ALOX5: variants seen among roughly 807,000 people sequenced by gnomAD.
ALOX5 encodes the protein arachidonate 5-lipoxygenase, also known as polyunsaturated fatty acid 5-lipoxygenase.
In ALOX5, 64 loss-of-function variants were observed where a neutral mutation model predicts 87.9. The ratio of observed to expected loss-of-function variants is 0.73; its 90% CI spans 0.60 to 0.90. ALOX5 has a LOEUF of 0.90. Ranked by LOEUF, ALOX5 falls within the 40% of genes least tolerant of loss-of-function variation. The probability of loss-of-function intolerance (pLI) is 0.00; values close to 1 mark genes in which losing one functional copy is unlikely to be tolerated. For missense variants in ALOX5, 822 were observed against 907.5 expected (o/e 0.91, Z 1.21); for synonymous variants, 388 against 355.1 (o/e 1.09, Z -1.04).
rs554154845 is a variant in ALOX5, at chr10:45,443,065, G to C, written c.1300G>C (p.Val434Leu). 6.2e-7 allele frequency: 1 copy of C among 1,613,426 alleles called. No homozygotes were observed. Among genetic ancestry groups the C allele is most frequent in the African/African-American group, 1.3e-5 (1 of 75,044 alleles). The part of the protein sequence containing the change: ...KANATGGGGH[V>L]QMVQRAMKDL... ...CAACGCCACAGGGGGCGGTGGGCAC[G>C]TGCAGATGGTGCAGAGGGCCATGAA... Residue 434 changes from valine to leucine, a missense_variant, in exon 10 of 14, where the codon GTG becomes CTG. Coordinates refer to ENST00000374391, the MANE Select transcript of ALOX5 (RefSeq NM_000698.5).
chr10:45,443,071 A>T lies in ALOX5; in HGVS notation c.1306A>T (p.Met436Leu). The T allele has an allele frequency of 6.2e-7, 1 of 1,613,500 alleles. No individual in the cohort carries two copies. Among genetic ancestry groups the T allele is most frequent in the Non-Finnish European group, 8.5e-7 (1 of 1,179,896 alleles). ...NATGGGGHVQ[M>L]VQRAMKDLTY... is the part of the protein sequence containing the mutation. ...CACAGGGGGCGGTGGGCACGTGCAG[A>T]TGGTGCAGAGGGCCATGAAGGACCT... The change falls in exon 10 of 14, where the codon ATG becomes TTG. Residue 436 changes from methionine to leucine, a missense_variant. Coordinates refer to ENST00000374391, the MANE Select transcript of ALOX5 (RefSeq NM_000698.5).
At chr10:45,426,684 C>T (rs1241087983) in intron 6 of ALOX5, among the ~76,000 whole-genome samples, 3 of 152,162 alleles carry the variant, frequency 2.0e-5, no homozygotes, top group Non-Finnish European at 2.9e-5. Flanking sequence ...TGGTTTAATC[C>T]AAGAACTCTA....
At chr10:45,386,718 C>T (rs1043576931) in intron 2 of ALOX5, among the ~76,000 whole-genome samples, 2 of 152,140 alleles carry the variant, frequency 1.3e-5, no homozygotes, top group Non-Finnish European at 2.9e-5. Context: ...TGCTTTACCA[C>T]GAGAGCTAGA....
At chr10:45,386,854 T>C (rs1433189242) in intron 2 of ALOX5, among the ~76,000 whole-genome samples, 1 of 152,076 alleles carries the variant, frequency 6.6e-6, no homozygotes, top group Non-Finnish European at 1.5e-5. Context: ...CCTCATCTGC[T>C]CTAAAGGCTC....
Position 45,382,625 on chromosome 10 carries a change from T to G in ALOX5, c.293T>G (p.Phe98Cys). 6.2e-7 allele frequency: 1 copy of G among 1,614,044 alleles called. No individual in the cohort carries two copies. Among genetic ancestry groups the G allele is most frequent in the Non-Finnish European group, 8.5e-7 (1 of 1,179,992 alleles). Residue 98 changes from phenylalanine to cysteine, a missense_variant, in exon 2 of 14, where the codon TTC becomes TGC. Phe to Cys is a radical substitution (Grantham distance 205, BLOSUM62 -2). Coordinates refer to ENST00000374391, the MANE Select transcript of ALOX5 (RefSeq NM_000698.5). Reference sequence around the variant, plus strand: ...ACGCCCCACGGGGACTACATCGAGTTCCCCTGCTACCGCTGGATCACCGGC... The same window carrying G: ...ACGCCCCACGGGGACTACATCGAGTGCCCCTGCTACCGCTGGATCACCGGC... Reference protein sequence around the residue: ...LKTPHGDYIEFPCYRWITGDV... With the variant: ...LKTPHGDYIECPCYRWITGDV...
Position 45,424,279 on chromosome 10 carries a change from C to G in ALOX5, c.661+132C>G, listed in dbSNP as rs28395874. On this transcript the variant is annotated intron_variant, in intron 5 of 13. Coordinates refer to ENST00000374391, the MANE Select transcript of ALOX5 (RefSeq NM_000698.5). The stretch of plus-strand genomic sequence containing the variant: ...TGGGGGCCTCGCTGCCACCATGCCA[C>G]CCTGGACAGCACCCCCTACACTCCA... The G allele has an allele frequency of 3.1e-3, 2,292 of 742,078 alleles. 31 individuals carry two copies. The African/African-American group carries it at 0.034, about 11-fold the overall frequency. 46.0% of individuals were successfully genotyped at this position (742,078 alleles called of 1,614,324 possible). A position where few individuals can be genotyped will look rare whatever the true frequency, so the allele number is the denominator to read the frequency against.
At chr10:45,400,506 G>A (rs1806389273) in intron 3 of ALOX5, among the ~76,000 whole-genome samples, 1 of 152,158 alleles carries the variant, frequency 6.6e-6, no homozygotes, top group South Asian at 2.1e-4. Context: ...GGCTAAGGCA[G>A]GAGAATCACT....
At chr10:45,411,456 G>A (rs1841061144) in intron 3 of ALOX5, among the ~76,000 whole-genome samples, 1 of 152,162 alleles carries the variant, frequency 6.6e-6, no homozygotes, top group African/African-American at 2.4e-5. Flanking sequence ...TACTCAATAA[G>A]TAAACAAAAA....
At chr10:45,385,344 G>T (rs545274252) in intron 2 of ALOX5, among the ~76,000 whole-genome samples, 6 of 152,220 alleles carry the variant, frequency 3.9e-5, no homozygotes, top group African/African-American at 1.2e-4. Flanking sequence ...GAGCATCTGT[G>T]TGAAGGGACA....
At chr10:45,440,354 C>G in intron 7 of ALOX5, 76 bp from the exon 8 acceptor site, 1 of 1,490,300 alleles carries the variant, frequency 6.7e-7, no homozygotes, top group Non-Finnish European at 9.2e-7. Flanking sequence ...TGGAACTTCC[C>G]AAGAGGCGAA....
Position 45,425,252 on chromosome 10 carries a change from G to A in ALOX5, c.834+120G>A, listed in dbSNP as rs1841664572. ...TAACTGCAGGCCCATCTGGCCTACA[G>A]CAGCCGCTTCCTTTTCCTGGCAGCA... On this transcript the variant is annotated intron_variant, in intron 6 of 13. Coordinates refer to ENST00000374391, the MANE Select transcript of ALOX5 (RefSeq NM_000698.5). This position sits in a 1 kb window ranked among gnomAD's most constrained non-coding sequence, Gnocchi z 4.4. 1 of 1,257,738 alleles carries A rather than the reference G, an allele frequency of 8.0e-7. No individual in the cohort carries two copies. The highest frequency in any genetic ancestry group is 1.1e-6 in the Non-Finnish European group (1 of 929,594). 77.9% of individuals were successfully genotyped at this position (1,257,738 alleles called of 1,614,324 possible).
chr10:45,397,743 A>G (rs1366665730), intron 3 of ALOX5, among the ~76,000 whole-genome samples: 1 of 152,192 alleles, frequency 6.6e-6, no homozygotes, highest in East Asian at 1.9e-4. Context: ...TCAATTTACA[A>G]TAGCATCAAA....
Position 45,374,370 on chromosome 10 carries a change from G to A in ALOX5, c.91G>A (p.Gly31Ser), listed in dbSNP as rs1370206705. The A allele has an allele frequency of 1.4e-5, 22 of 1,552,914 alleles. No individual in the cohort carries two copies. The South Asian group carries it at 2.0e-4, about 14-fold the overall frequency. Residue 31 changes from glycine to serine, a missense_variant, in exon 1 of 14, where the codon GGC becomes AGC. Transcript: ENST00000374391. ...YIYLSLVGSA[G>S]CSEKHLLDKP... Reference sequence around the variant, plus strand: ...CTACCTCAGCCTCGTGGGCTCGGCGGGCTGCAGCGAGAAGCACCTGCTGGA... The same window carrying A: ...CTACCTCAGCCTCGTGGGCTCGGCGAGCTGCAGCGAGAAGCACCTGCTGGA...
chr10:45,427,928 C>T (rs1841780814), intron 6 of ALOX5, among the ~76,000 whole-genome samples: 1 of 152,162 alleles, frequency 6.6e-6, no homozygotes, highest in Admixed American at 6.5e-5. Flanking sequence ...CGCCGTGTCG[C>T]CAGTCTCAGA....
chr10:45,418,515 G>C (rs1416423207), intron 4 of ALOX5, among the ~76,000 whole-genome samples: 1 of 152,160 alleles, frequency 6.6e-6, no homozygotes, highest in Non-Finnish European at 1.5e-5. Flanking sequence ...ACCGGCCTAG[G>C]GCTGCACTCT....
At chr10:45,428,488 T>C in intron 6 of ALOX5, 130 bp from the exon 7 acceptor site, 4 of 1,170,134 alleles carry the variant, frequency 3.4e-6, no homozygotes, top group Non-Finnish European at 4.9e-6. Flanking sequence ...AGGAGAGAAG[T>C]ACACATTCTG....
chr10:45,379,047 T>A (rs745711549), intron 1 of ALOX5, among the ~76,000 whole-genome samples: 4 of 151,910 alleles, frequency 2.6e-5, no homozygotes, highest in Admixed American at 6.6e-5. Flanking sequence ...TGCTGGAGGG[T>A]CACCCCACTG....
intron 3 of ALOX5, among the ~76,000 whole-genome samples, chr10:45,408,074 C>T (rs1216670195): frequency 2.0e-5 from 3 of 152,006 alleles, no homozygotes; most frequent in Non-Finnish European, 1.5e-5. Flanking sequence ...TGATTTTTTT[C>T]ACTTCTCCAT....
At chr10:45,443,007 C>A (rs755278305) in intron 9 of ALOX5, 31 bp from the exon 10 acceptor site, 2 of 1,593,458 alleles carry the variant, frequency 1.3e-6, no homozygotes, top group African/African-American at 2.7e-5. Flanking sequence ...GGAGGAGCCA[C>A]CCGCTCAGGG....
Sources: allele counts gnomAD v4.1 joint callset (sites outside exome capture counted in the v4.1 genomes callset), GRCh38; gene constraint gnomAD v4.1.1; non-coding constraint Gnocchi (gnomAD v3.1); transcripts MANE v1.5; gene names NCBI Gene and HGNC (gene_info 2026-07-23, HGNC 2026-07-21).